VRK2: variants seen among roughly 807,000 people sequenced by gnomAD.
VRK2 encodes the protein serine/threonine-protein kinase VRK2.
VRK2 carries 60 observed loss-of-function variants against 57.6 expected under a neutral mutation model. The observed-to-expected ratio is 1.04, with a 90% CI of 0.85 to 1.29. The LOEUF is 1.29. Ranked by LOEUF, VRK2 falls within the 50% of genes most tolerant of loss-of-function variation. The probability of loss-of-function intolerance (pLI) is 0.00; values close to 1 mark genes in which losing one functional copy is unlikely to be tolerated. For synonymous variants in VRK2, 231 were observed against 199.2 expected (o/e 1.16, Z -1.35); for missense variants, 705 against 588.1 (o/e 1.20, Z -2.06).
rs549037352 is a variant in VRK2 at position 57,941,783 on chromosome 2, G to A, written c.-439+33944G>A. Among the ~76,000 whole-genome samples the A allele has an allele frequency of 2.6e-5, 4 of 152,310 alleles. No individual in the cohort carries two copies. The South Asian group carries it at 8.3e-4, about 32-fold the overall frequency. ...ACACTCTTATGCATAGGCTGCCATA[G>A]ACAATAAACATTTCATTAGTGACAC... On this transcript the variant is annotated intron_variant, in intron 1 of 15. Coordinates refer to the VRK2 transcript ENST00000417641.
At chr2:57,954,333 G>T (rs988386157) in intron 1 of VRK2, among the ~76,000 whole-genome samples, 9 of 152,014 alleles carry the variant, frequency 5.9e-5, no homozygotes, top group African/African-American at 1.7e-4. Flanking sequence ...GAAATTGTAT[G>T]CAAGAAGAAG....
intron 2 of VRK2, among the ~76,000 whole-genome samples, chr2:58,069,413 G>A (rs1669083760): frequency 6.6e-6 from 1 of 152,144 alleles, no homozygotes; most frequent in Non-Finnish European, 1.5e-5. Context: ...ACTTGTTGTG[G>A]TGACGTTCCC....
At chr2:58,148,554 G>A (rs559757192) in intron 12 of VRK2, among the ~76,000 whole-genome samples, 30 of 151,348 alleles carry the variant, frequency 2.0e-4, no homozygotes, top group Admixed American at 8.6e-4. Context: ...TTTTTTTGTC[G>A]TTTGTTTGTT....
intron 1 of VRK2, among the ~76,000 whole-genome samples, chr2:57,970,125 C>A (rs1417644191): frequency 2.0e-5 from 3 of 148,646 alleles, no homozygotes; most frequent in Non-Finnish European, 3.0e-5. Flanking sequence ...GAATGTATAT[C>A]TTTTATAATG....
intron 1 of VRK2, among the ~76,000 whole-genome samples, chr2:57,969,408 G>GA (rs1672023584): frequency 6.6e-6 from 1 of 151,792 alleles, no homozygotes; most frequent in African/African-American, 2.4e-5. Flanking sequence ...AGATCAAGGA[G>GA]AAAATACATT....
intron 1 of VRK2, among the ~76,000 whole-genome samples, chr2:57,947,004 T>C (rs184956112): frequency 6.6e-6 from 1 of 152,296 alleles, no homozygotes; most frequent in East Asian, 1.9e-4. Context: ...ATCTTAATTA[T>C]ATTTCACTGA....
intron 2 of VRK2, among the ~76,000 whole-genome samples, chr2:58,077,808 A>G (rs2104065685): frequency 6.6e-6 from 1 of 152,224 alleles, no homozygotes. Context: ...AATACCATGT[A>G]GAATTCTGTT....
intron 2 of VRK2, among the ~76,000 whole-genome samples, chr2:58,058,795 G>C (rs1169627524): frequency 2.0e-5 from 3 of 152,084 alleles, no homozygotes; most frequent in African/African-American, 7.2e-5. Flanking sequence ...GCTTAACTAA[G>C]GAAGACATTG....
chr2:58,034,702 A>G (rs181603515), intron 3 of VRK2, among the ~76,000 whole-genome samples: 2 of 151,970 alleles, frequency 1.3e-5, no homozygotes, highest in East Asian at 1.9e-4. Flanking sequence ...GCATGAGAGC[A>G]TCTCTCATCT....
chr2:57,999,675 G>T (rs1673030638), intron 1 of VRK2, among the ~76,000 whole-genome samples: 1 of 152,166 alleles, frequency 6.6e-6, no homozygotes, highest in Non-Finnish European at 1.5e-5. Context: ...AAAACCATCA[G>T]TTGTAGCAAG....
chr2:57,958,413 G>A (rs1671650287), intron 1 of VRK2, among the ~76,000 whole-genome samples: 1 of 150,674 alleles, frequency 6.6e-6, no homozygotes, highest in African/African-American at 2.5e-5. Context: ...GTGTGTATGT[G>A]TGTGTGTGTG....
At chr2:58,125,248 G>GT (rs1036433223) in intron 8 of VRK2, among the ~76,000 whole-genome samples, 3 of 152,040 alleles carry the variant, frequency 2.0e-5, no homozygotes, top group South Asian at 2.1e-4. Flanking sequence ...GAGAAGTAGA[G>GT]TTTTTTTGTG....
Position 57,932,400 on chromosome 2 carries a change from C to A in VRK2, c.-439+24561C>A, listed in dbSNP as rs574645082. 3.3e-5 allele frequency among the ~76,000 whole-genome samples: 5 copies of A among 152,168 alleles called. No individual in the cohort carries two copies. In the South Asian group the frequency reaches 6.2e-4, roughly 19 times the overall value. ...TCGTTATTCATCTGTTCAGATTTCACCTTTTTAAATATAAAATTCATCTTA... is the reference window on the plus strand; with the variant it reads ...TCGTTATTCATCTGTTCAGATTTCAACTTTTTAAATATAAAATTCATCTTA... On this transcript the variant is annotated intron_variant, in intron 1 of 15. Transcript: ENST00000417641.
intron 1 of VRK2, among the ~76,000 whole-genome samples, chr2:57,952,115 T>G (rs937846429): frequency 7.9e-5 from 12 of 151,486 alleles, no homozygotes; most frequent in African/African-American, 2.4e-4. Context: ...TTTATATTTA[T>G]AGAGAGAGAG....
chr2:58,048,754 G>T, intron 1 of VRK2, 73 bp from the exon 2 acceptor site: 1 of 1,556,496 alleles, frequency 6.4e-7, no homozygotes, highest in East Asian at 2.3e-5. Context: ...AAGACATTTT[G>T]GGAAGTGTAT....
In VRK2 at chr2:57,926,998, T is replaced by TTGTGTGTG. The variant is rs57943937; in HGVS notation, c.-439+19185_-439+19192dup. Reference sequence around the variant, plus strand: ...TTCTCTGGTAATATGTTTTAATTTCTTGTGTGTGTGTGTGTGTGTGTGTGT... The same window carrying TTGTGTGTG: ...TTCTCTGGTAATATGTTTTAATTTCTTGTGTGTGTGTGTGTGTGTGTGTGTGTGTGTGT... On this transcript the variant is annotated intron_variant, in intron 1 of 15. Coordinates refer to the VRK2 transcript ENST00000417641. Among the ~76,000 whole-genome samples the TTGTGTGTG allele has an allele frequency of 7.6e-3, 1,081 of 142,810 alleles. 8 individuals carry two copies. The highest frequency in any genetic ancestry group is 0.019 in the Admixed American group (267 of 14,238). 93.7% of individuals were successfully genotyped at this position (142,810 alleles called of 152,430 possible). A position where few individuals can be genotyped will look rare whatever the true frequency, so the allele number is the denominator to read the frequency against.
At chr2:57,992,320 T>G (rs1031849345) in intron 1 of VRK2, among the ~76,000 whole-genome samples, 1 of 152,164 alleles carries the variant, frequency 6.6e-6, no homozygotes, top group Non-Finnish European at 1.5e-5. Context: ...ATCTCTAATT[T>G]TGAAAGCCTG....
chr2:58,048,886 A>T lies in VRK2; in HGVS notation c.55A>T (p.Lys19Ter). ...YKLPIPFPEG[K>*]VLDDMEGNQW... is the part of the protein sequence containing the mutation. ...ACTTCCTATTCCATTTCCAGAAGGC[A>T]AGGTTCTGGATGATATGGAAGGCAA... Residue 19 changes from lysine to a stop codon, truncating the protein, a stop_gained, in exon 2 of 13, where the codon AAG becomes TAG. Coordinates refer to ENST00000340157, the MANE Select transcript of VRK2 (RefSeq NM_006296.7). LOFTEE classifies it high-confidence loss of function. 1.9e-6 allele frequency: 3 copies of T among 1,614,034 alleles called. No homozygotes were observed. The highest frequency in any genetic ancestry group is 2.5e-6 in the Non-Finnish European group (3 of 1,179,950).
At chr2:58,120,412 A>C (rs955219620) in intron 7 of VRK2, among the ~76,000 whole-genome samples, 5 of 151,524 alleles carry the variant, frequency 3.3e-5, no homozygotes, top group African/African-American at 1.2e-4. Context: ...GCTGGTCTTG[A>C]ACTCCTGACC....
Sources: allele counts gnomAD v4.1 joint callset (sites outside exome capture counted in the v4.1 genomes callset), GRCh38; gene constraint gnomAD v4.1.1; transcripts MANE v1.5; gene names NCBI Gene and HGNC (gene_info 2026-07-23, HGNC 2026-07-21).